The following SLC25A16 variants were observed in gnomAD, a reference collection of about 807,000 sequenced individuals.
SLC25A16 encodes the protein solute carrier family 25 member 16, also known as mitochondrial coenzyme A transporter SLC25A16.
In SLC25A16, 39 loss-of-function variants were observed where a neutral mutation model predicts 41.5. The observed-to-expected ratio is 0.94, with a 90% CI of 0.73 to 1.23. The LOEUF is 1.23. Ranked by LOEUF, SLC25A16 falls within the 50% of genes most tolerant of loss-of-function variation. The probability of loss-of-function intolerance (pLI) is 0.00; values close to 1 mark genes in which losing one functional copy is unlikely to be tolerated. For synonymous variants in SLC25A16, 146 were observed against 147.8 expected (o/e 0.99, Z 0.09); for missense variants, 421 against 426.9 (o/e 0.99, Z 0.12).
At position 68,503,684 on chromosome 10, in the gene SLC25A16, C is replaced by T. The variant is rs1431383056; in HGVS notation, c.369G>A (p.Thr123=). 8 of 1,601,032 alleles carry T rather than the reference C, an allele frequency of 5.0e-6. No individual in the cohort carries two copies. Among genetic ancestry groups the T allele is most frequent in the African/African-American group, 4.0e-5 (3 of 74,636 alleles). Residue 123 remains threonine, a synonymous_variant, in exon 4 of 9, where the codon ACG becomes ACA. Coordinates refer to ENST00000609923, the MANE Select transcript of SLC25A16 (RefSeq NM_152707.4). ...GCACATGACCTGAAATTCCCAGCTT[C>T]GTAGTAATTAACTAGAAAACAAGAA... ...AFEHYKTLIT[T]KLGISGHVHR... is the part of the protein sequence containing the mutation.
chr10:68,502,410 C>G (rs1009224353), intron 4 of SLC25A16, among the ~76,000 whole-genome samples: 22 of 151,590 alleles, frequency 1.5e-4, no homozygotes, highest in African/African-American at 5.3e-4. Flanking sequence ...AAATCTAAAA[C>G]TGGGAAATAA....
intron 4 of SLC25A16, among the ~76,000 whole-genome samples, chr10:68,495,819 T>C (rs10762229): frequency 0.76 from 112,086 of 146,602 alleles, 43,350 homozygotes; most frequent in East Asian, 0.84. Flanking sequence ...GAGTATAAAC[T>C]GTAGAGTGCA....
rs1308604570 is a variant in SLC25A16 at position 68,527,513 on chromosome 10, T to C, written c.-138A>G. 3.8e-6 allele frequency: 3 copies of C among 791,084 alleles called. No individual in the cohort carries two copies. The African/African-American group carries it at 5.6e-5, about 15-fold the overall frequency. The allele number at this position is 791,084 out of a possible 1,614,324, so 49.0% of individuals were successfully genotyped here. A position where few individuals can be genotyped will look rare whatever the true frequency, so the allele number is the denominator to read the frequency against. On this transcript the variant is annotated 5_prime_UTR_variant, in exon 1 of 9. Transcript: ENST00000609923. ...TAACACCCGGCGGCGCGGCGCCGGC[T>C]GATGGCGTACAGCAAGGGCGGGGCC...
intron 8 of SLC25A16, among the ~76,000 whole-genome samples, chr10:68,486,221 AAAAAC>A (rs1229199214): frequency 7.4e-6 from 1 of 135,756 alleles, no homozygotes; most frequent in Non-Finnish European, 1.5e-5. Context: ...TTTGTCTCAA[AAAAAC>A]AAAACAAAAA....
intron 2 of SLC25A16, among the ~76,000 whole-genome samples, chr10:68,509,559 C>G (rs1291103892): frequency 6.6e-6 from 1 of 151,582 alleles, no homozygotes; most frequent in Non-Finnish European, 1.5e-5. Flanking sequence ...TACAAAAAAA[C>G]TTAAAAGTTA....
rs2052924994 is a variant in SLC25A16, at chr10:68,504,828, G to A, written c.358-1133C>T. Reference sequence around the variant, plus strand: ...CCTGAGTAGCTGGGATTATAGGCATGCGCCACCACATCCAGCTAATTTTGT... The same window carrying A: ...CCTGAGTAGCTGGGATTATAGGCATACGCCACCACATCCAGCTAATTTTGT... On this transcript the variant is annotated intron_variant, in intron 3 of 8. Coordinates refer to ENST00000609923, the MANE Select transcript of SLC25A16 (RefSeq NM_152707.4). Among the ~76,000 whole-genome samples, 6 of 152,198 alleles carry A rather than the reference G, an allele frequency of 3.9e-5. No homozygotes were observed. The South Asian group carries it at 1.2e-3, about 32-fold the overall frequency.
At chr10:68,503,501 G>T in intron 4 of SLC25A16, 131 bp downstream of exon 4, 1 of 516,668 alleles carries the variant, frequency 1.9e-6, no homozygotes, top group South Asian at 3.8e-5. Flanking sequence ...GATGCACCCA[G>T]GAAAAAATAC....
At chr10:68,512,474 A>G (rs1375873359) in intron 2 of SLC25A16, among the ~76,000 whole-genome samples, 1 of 124,872 alleles carries the variant, frequency 8.0e-6, no homozygotes, top group Non-Finnish European at 1.6e-5. Flanking sequence ...CGTCTCTACT[A>G]AAAAAATACA....
intron 4 of SLC25A16, 69 bp downstream of exon 4, chr10:68,503,558 ATAATC>A (rs1448470886): frequency 9.8e-7 from 1 of 1,021,714 alleles, no homozygotes; most frequent in African/African-American, 1.6e-5. Flanking sequence ...TGGCACTCAT[ATAATC>A]TAAACCAAAT....
chr10:68,526,784 T>TGA, intron 1 of SLC25A16, among the ~76,000 whole-genome samples: 1 of 152,154 alleles, frequency 6.6e-6, no homozygotes, highest in South Asian at 2.1e-4. Context: ...CTGGAACCAG[T>TGA]TTTGGCTGTA....
At chr10:68,491,479 C>A (rs1340452184) in intron 6 of SLC25A16, among the ~76,000 whole-genome samples, 2 of 152,164 alleles carry the variant, frequency 1.3e-5, no homozygotes. Context: ...CCTGCCTTGG[C>A]CTCACAAAGT....
intron 2 of SLC25A16, among the ~76,000 whole-genome samples, chr10:68,507,216 GC>G (rs1424812306): frequency 6.6e-5 from 10 of 151,330 alleles, no homozygotes; most frequent in Non-Finnish European, 1.2e-4. Context: ...GGGATTACAC[GC>G]GCCCGCCACC....
intron 2 of SLC25A16, among the ~76,000 whole-genome samples, chr10:68,507,962 G>A (rs1366935337): frequency 6.6e-6 from 1 of 152,194 alleles, no homozygotes; most frequent in Non-Finnish European, 1.5e-5. Flanking sequence ...CTTGCGTGGT[G>A]GCTCATGCCT....
At chr10:68,511,144 A>G (rs2053056581) in intron 2 of SLC25A16, among the ~76,000 whole-genome samples, 2 of 152,004 alleles carry the variant, frequency 1.3e-5, no homozygotes. Context: ...AGGCTGAGGC[A>G]GGAGAATCTG....
chr10:68,491,438 T>A (rs952486327), intron 6 of SLC25A16, among the ~76,000 whole-genome samples: 1 of 152,144 alleles, frequency 6.6e-6, no homozygotes. Flanking sequence ...TTGGTCAGGC[T>A]GGTCTCAAAC....
rs189576078 is a variant in SLC25A16, at chr10:68,494,372, G to C, written c.422-802C>G. ...AGCTAGTCGAGAGGCTGATGCAGGA[G>C]AATCACTTGAACCCAGGAGGCGGAG... is the stretch of plus-strand genomic sequence containing the variant. On this transcript the variant is annotated intron_variant, in intron 4 of 8. Coordinates refer to ENST00000609923, the MANE Select transcript of SLC25A16 (RefSeq NM_152707.4). Among the ~76,000 whole-genome samples the C allele has an allele frequency of 3.6e-4, 51 of 139,862 alleles. 2 individuals carry two copies. The East Asian group carries it at 0.01, about 27-fold the overall frequency. 91.8% of individuals were successfully genotyped at this position (139,862 alleles called of 152,430 possible). A position where few individuals can be genotyped will look rare whatever the true frequency, so the allele number is the denominator to read the frequency against.
chr10:68,490,710 AAAG>A (rs1442855689), intron 6 of SLC25A16, among the ~76,000 whole-genome samples: 1 of 152,032 alleles, frequency 6.6e-6, no homozygotes, highest in Non-Finnish European at 1.5e-5. Context: ...CTTCCTTAAC[AAAG>A]AAAACAAATA....
rs922811515 is a variant in SLC25A16, at chr10:68,480,879, A to G, written c.*2553T>C. The G allele has an allele frequency of 6.6e-6, 1 of 151,846 alleles. No individual in the cohort carries two copies. The highest frequency in any genetic ancestry group is 2.4e-5 in the African/African-American group (1 of 41,324). 9.4% of individuals were successfully genotyped at this position (151,846 alleles called of 1,614,324 possible). On this transcript the variant is annotated 3_prime_UTR_variant, in exon 9 of 9. Coordinates refer to ENST00000609923, the MANE Select transcript of SLC25A16 (RefSeq NM_152707.4). Reference sequence around the variant, plus strand: ...GTGTGGTCTAGAAATGAAAATATACAAATGGTTTTAAGAACACATGTATTT... The same window carrying G: ...GTGTGGTCTAGAAATGAAAATATACGAATGGTTTTAAGAACACATGTATTT...
intron 1 of SLC25A16, among the ~76,000 whole-genome samples, chr10:68,521,625 GCT>G (rs1485377879): frequency 5.2e-5 from 7 of 134,912 alleles, no homozygotes; most frequent in African/African-American, 2.0e-4. Context: ...ACGGAGTCTC[GCT>G]CTGTCGCCCA....
Sources: gnomAD v4.1 joint callset for allele counts (sites outside exome capture counted in the v4.1 genomes callset) on GRCh38, gnomAD v4.1.1 for gene constraint, MANE v1.5 for transcripts, NCBI Gene and HGNC (gene_info 2026-07-23, HGNC 2026-07-21) for gene names.